ATP2B1: variants seen among roughly 807,000 people sequenced by gnomAD.
ATP2B1 encodes plasma membrane calcium-transporting ATPase 1.
In ATP2B1, 14 loss-of-function variants were observed where a neutral mutation model predicts 124.2. The observed-to-expected ratio is 0.11, with a 90% CI of 0.07 to 0.18. ATP2B1 has a LOEUF of 0.18. Ranked by LOEUF, ATP2B1 falls within the 10% of genes least tolerant of loss-of-function variation. The pLI is 1.00. For synonymous variants in ATP2B1, 449 were observed against 492.4 expected (o/e 0.91, Z 1.17); for missense variants, 763 against 1,466.1 (o/e 0.52, Z 7.83).
rs537108107 is a variant in ATP2B1 at position 89,705,700 on chromosome 12, C to G, written c.-222+2896G>C. 5.3e-5 allele frequency among the ~76,000 whole-genome samples: 8 copies of G among 152,230 alleles called. No individual in the cohort carries two copies. The South Asian group carries it at 1.7e-3, about 32-fold the overall frequency. ...TAACAACATATAATTACTCTACATGCAACAATCTAATAGCTCAAATAATGT... is the reference window on the plus strand; with the variant it reads ...TAACAACATATAATTACTCTACATGGAACAATCTAATAGCTCAAATAATGT... On this transcript the variant is annotated intron_variant, in intron 1 of 20. Transcript: ENST00000428670.
chr12:89,705,857 G>A (rs781263083), intron 1 of ATP2B1, among the ~76,000 whole-genome samples: 2 of 152,140 alleles, frequency 1.3e-5, no homozygotes, highest in African/African-American at 2.4e-5. Flanking sequence ...AATAGCCAAT[G>A]CTTTACATTG....
At chr12:89,708,064 G>T (rs1278370330) in intron 1 of ATP2B1, among the ~76,000 whole-genome samples, 1 of 152,158 alleles carries the variant, frequency 6.6e-6, no homozygotes, top group Non-Finnish European at 1.5e-5. Context: ...GTCCTGACAC[G>T]CCAACAATCA....
chr12:89,705,912 T>C (rs1892395767), intron 1 of ATP2B1, among the ~76,000 whole-genome samples: 1 of 152,220 alleles, frequency 6.6e-6, no homozygotes, highest in Non-Finnish European at 1.5e-5. Context: ...TAAATGCAGA[T>C]AGAAGGGCAG....
chr12:89,695,497 T>A (rs1891041052), intron 1 of ATP2B1, among the ~76,000 whole-genome samples: 1 of 152,168 alleles, frequency 6.6e-6, no homozygotes, highest in South Asian at 2.1e-4. Flanking sequence ...TCATATATGA[T>A]GTCACAGAAA....
At chr12:89,705,144 A>G (rs906063954) in intron 1 of ATP2B1, among the ~76,000 whole-genome samples, 1 of 152,156 alleles carries the variant, frequency 6.6e-6, no homozygotes. Context: ...TGGTATGTAT[A>G]GATAACATTT....
intron 1 of ATP2B1, among the ~76,000 whole-genome samples, chr12:89,673,849 C>A (rs943986912): frequency 6.6e-6 from 1 of 152,132 alleles, no homozygotes; most frequent in Non-Finnish European, 1.5e-5. Context: ...ACAGCTAGCA[C>A]TGGGTCATCA....
chr12:89,687,908 A>G (rs1397937199), intron 1 of ATP2B1, among the ~76,000 whole-genome samples: 2 of 152,100 alleles, frequency 1.3e-5, no homozygotes, highest in Admixed American at 6.6e-5. Flanking sequence ...AGTATGTGCA[A>G]TATCACCTTT....
chr12:89,603,388 GATTATCT>G lies in ATP2B1; in HGVS notation c.2849-141_2849-135del, dbSNP rs1305443898. On this transcript the variant is annotated intron_variant, in intron 17 of 20. Coordinates refer to ENST00000428670, the MANE Select transcript of ATP2B1 (RefSeq NM_001366521.1). The surrounding 1 kb of genome is among the most constrained non-coding windows in gnomAD (Gnocchi z 4.3). ...CATGGAAGGAGCTAGAGAAACCTGGGATTATCTAGTACAACTCTCTTGTTTTATAGGC... is the reference window on the plus strand; with the variant it reads ...CATGGAAGGAGCTAGAGAAACCTGGGAGTACAACTCTCTTGTTTTATAGGC... The G allele has an allele frequency of 4.0e-6, 3 of 753,544 alleles. No homozygotes were observed. In the African/African-American group the frequency reaches 5.3e-5, roughly 13 times the overall value. The allele number at this position is 753,544 out of a possible 1,614,324, so 46.7% of individuals were successfully genotyped here.
chr12:89,653,745 A>G (rs975766535), intron 2 of ATP2B1, among the ~76,000 whole-genome samples: 22 of 152,320 alleles, frequency 1.4e-4, no homozygotes, highest in South Asian at 4.1e-4. Flanking sequence ...TAACTTCACT[A>G]ATTAAGCCAA....
chr12:89,696,620 C>G (rs17192030), intron 1 of ATP2B1, among the ~76,000 whole-genome samples: 5,337 of 152,142 alleles, frequency 0.035, 134 homozygotes, highest in Middle Eastern at 0.079. Context: ...ATTTCTCAGA[C>G]GGAGGATTAT....
rs1805924812 is a variant in ATP2B1, at chr12:89,643,190, AT to A, written c.209-836del. Among the ~76,000 whole-genome samples the A allele has an allele frequency of 2.0e-5, 3 of 150,722 alleles. No individual in the cohort carries two copies. The South Asian group carries it at 6.2e-4, about 31-fold the overall frequency. ...TATGTATATATGTATATGTATGTAT[AT>A]ATGTATATATGTGTGTATATGTGTA... is the stretch of plus-strand genomic sequence containing the variant. On this transcript the variant is annotated intron_variant, in intron 2 of 20. Coordinates refer to ENST00000428670, the MANE Select transcript of ATP2B1 (RefSeq NM_001366521.1).
intron 2 of ATP2B1, among the ~76,000 whole-genome samples, chr12:89,655,432 G>T (rs142081347): frequency 6.6e-6 from 1 of 152,248 alleles, no homozygotes; most frequent in East Asian, 1.9e-4. Flanking sequence ...ACAGGAAGCA[G>T]TAGTATATAT....
intron 2 of ATP2B1, among the ~76,000 whole-genome samples, chr12:89,648,370 T>C (rs1464882144): frequency 6.6e-6 from 1 of 152,212 alleles, no homozygotes; most frequent in African/African-American, 2.4e-5. Flanking sequence ...AGGGTCACCC[T>C]TGTTAGGCCT....
chr12:89,643,106 A>G (rs1883853757), intron 2 of ATP2B1, among the ~76,000 whole-genome samples: 1 of 150,774 alleles, frequency 6.6e-6, no homozygotes, highest in Admixed American at 6.6e-5. Flanking sequence ...ATACATACGT[A>G]TATATATACG....
At chr12:89,599,430 G>C in intron 19 of ATP2B1, 131 bp from the exon 20 acceptor site, 2 of 940,314 alleles carry the variant, frequency 2.1e-6, no homozygotes, top group Non-Finnish European at 3.1e-6. Flanking sequence ...ATGGGATCCT[G>C]TTGATTAGTC....
At chr12:89,650,846 G>C (rs1040769770) in intron 2 of ATP2B1, among the ~76,000 whole-genome samples, 3 of 152,048 alleles carry the variant, frequency 2.0e-5, no homozygotes, top group African/African-American at 7.2e-5. Flanking sequence ...AAAATATAAG[G>C]ATCAAGGAAT....
chr12:89,661,443 C>T (rs1335317992), intron 1 of ATP2B1, among the ~76,000 whole-genome samples: 6 of 152,128 alleles, frequency 3.9e-5, no homozygotes, highest in Non-Finnish European at 5.9e-5. Context: ...TAAAACCAAA[C>T]ACTCATAATT....
intron 1 of ATP2B1, among the ~76,000 whole-genome samples, chr12:89,698,634 TAGTA>T (rs1244094743): frequency 2.0e-5 from 3 of 152,232 alleles, no homozygotes; most frequent in South Asian, 2.1e-4. Context: ...AATTATATCT[TAGTA>T]AGACTATAAC....
intron 2 of ATP2B1, among the ~76,000 whole-genome samples, chr12:89,644,132 G>T (rs2030371165): frequency 6.6e-6 from 1 of 151,520 alleles, no homozygotes; most frequent in Admixed American, 6.6e-5. Context: ...CGAAAAAAAA[G>T]AAAGAAAGAA....
Sources: gnomAD v4.1 joint callset for allele counts (sites outside exome capture counted in the v4.1 genomes callset) on GRCh38, gnomAD v4.1.1 for gene constraint, Gnocchi (gnomAD v3.1) non-coding constraint, MANE v1.5 for transcripts, NCBI Gene and HGNC (gene_info 2026-07-23, HGNC 2026-07-21) for gene names.